CROCC2: variants seen among roughly 807,000 people sequenced by gnomAD.
CROCC2 encodes the protein ciliary rootlet coiled-coil protein 2.
CROCC2 carries 163 observed loss-of-function variants against 177.6 expected under a neutral mutation model. The observed-to-expected ratio is 0.92, with a 90% CI of 0.81 to 1.05. CROCC2 has a LOEUF of 1.05. Among genes scored for constraint, CROCC2 ranks in the 50% least tolerant of loss-of-function variants. The pLI is 0.00. For missense variants in CROCC2, 1,929 were observed against 1,797.8 expected, an observed-to-expected ratio of 1.07 and a Z score of -1.32; for synonymous variants, 904 against 787.3, an observed-to-expected ratio of 1.15 and a Z score of -2.48.
At chr2:240,983,500 G>A (rs1196993567) in intron 28 of CROCC2, 2 of 1,244,586 alleles carry the variant, frequency 1.6e-6, no homozygotes, top group Non-Finnish European at 2.1e-6. Context: ...GCGTCCTGCA[G>A]GAGCAGACGG....
intron 4 of CROCC2, 135 bp downstream of exon 4, chr2:240,922,780 C>T: frequency 4.2e-6 from 2 of 475,842 alleles, no homozygotes; most frequent in East Asian, 6.9e-5. Flanking sequence ...CCTGTGGGAG[C>T]CAACCCAGGC....
rs1052519175 is a variant in CROCC2 at position 240,973,897 on chromosome 2, A to T, written c.4401+5635A>T. Among the ~76,000 whole-genome samples, 1 of 152,216 alleles carries T rather than the reference A, an allele frequency of 6.6e-6. No homozygotes were observed. Among genetic ancestry groups the T allele is most frequent in the Non-Finnish European group, 1.5e-5 (1 of 68,038 alleles). On this transcript the variant is annotated intron_variant, in intron 27 of 31. Transcript: ENST00000690015. The surrounding 1 kb of genome is among the most constrained non-coding windows in gnomAD (Gnocchi z 4.7). ...CAAAATAACTTTTCTTGAGAGGTTC[A>T]TTGAACTCCCCTGTACATATTCCGC...
At chr2:240,932,942 C>A (rs1359701533) in intron 9 of CROCC2, 34 bp downstream of exon 9, 1 of 1,540,930 alleles carries the variant, frequency 6.5e-7, no homozygotes, top group African/African-American at 1.4e-5. Context: ...CTCCCTGTCT[C>A]CCTGAGGGCA....
intron 27 of CROCC2, among the ~76,000 whole-genome samples, chr2:240,971,859 T>G (rs2059723160): frequency 6.6e-6 from 1 of 152,132 alleles, no homozygotes; most frequent in Non-Finnish European, 1.5e-5. Flanking sequence ...CAGGAGAATT[T>G]CAGGTCTTAC....
chr2:240,981,431 C>G (rs1451557554), intron 27 of CROCC2: 1 of 152,294 alleles, frequency 6.6e-6, no homozygotes, highest in Non-Finnish European at 1.5e-5. Flanking sequence ...TCTCACACAG[C>G]ATCAGGATTT....
At chr2:240,932,551 G>A (rs949752306) in intron 8 of CROCC2, 137 bp downstream of exon 8, 7 of 688,328 alleles carry the variant, frequency 1.0e-5, no homozygotes, top group Admixed American at 6.3e-5. Context: ...GCACTTTGAG[G>A]CACGTCAGGA....
rs1276657460 is a variant in CROCC2 at position 240,950,394 on chromosome 2, G to A, written c.2713G>A (p.Glu905Lys). ...GGTAGCCAGATGCCAGCTGGAGCAG[G>A]AGAAGGAGCTGGTGACAAAAAGTGC... ...KEVARCQLEQ[E>K]KELVTKSAAE... The change falls in exon 18 of 32, where the codon GAG becomes AAG. Residue 905 changes from glutamate to lysine, a missense_variant. By Grantham distance (56) the Glu-to-Lys change is moderately conservative (BLOSUM62 1). Around this residue, in one of 3 missense-constraint regions of CROCC2, gnomAD observed 1,397 missense variants for 1,239.9 expected, o/e 1.13. Coordinates refer to ENST00000690015, the MANE Select transcript of CROCC2 (RefSeq NM_001351305.2). 6.5e-7 allele frequency: 1 copy of A among 1,550,234 alleles called. No homozygotes were observed. Among genetic ancestry groups the A allele is most frequent in the South Asian group, 1.2e-5 (1 of 84,056 alleles).
chr2:240,973,325 G>A lies in CROCC2; in HGVS notation c.4401+5063G>A, dbSNP rs548897560. Reference sequence around the variant, plus strand: ...CAGCCCGTGGTGTCAGGACACGCACGGAACGCAGCAGCAGTGCCCAAGTAG... The same window carrying A: ...CAGCCCGTGGTGTCAGGACACGCACAGAACGCAGCAGCAGTGCCCAAGTAG... On this transcript the variant is annotated intron_variant, in intron 27 of 31. Coordinates refer to ENST00000690015, the MANE Select transcript of CROCC2 (RefSeq NM_001351305.2). The surrounding 1 kb of genome is among the most constrained non-coding windows in gnomAD (Gnocchi z 4.7). Among the ~76,000 whole-genome samples the A allele has an allele frequency of 1.1e-3, 165 of 152,254 alleles. No homozygotes were observed. The highest frequency in any genetic ancestry group is 1.7e-3 in the Non-Finnish European group (116 of 68,018).
chr2:240,961,542 A>T (rs889964298), intron 20 of CROCC2, among the ~76,000 whole-genome samples: 67 of 137,200 alleles, frequency 4.9e-4, no homozygotes, highest in South Asian at 3.2e-3. Context: ...GCACTGGCTC[A>T]CACACACACA....
chr2:240,957,005 T>C (rs891709661), intron 19 of CROCC2, among the ~76,000 whole-genome samples: 1 of 152,086 alleles, frequency 6.6e-6, no homozygotes, highest in African/African-American at 2.4e-5. Context: ...GAGGAGAGGC[T>C]GTTTGTGTTG....
chr2:240,943,421 T>G (rs756968834), intron 14 of CROCC2, among the ~76,000 whole-genome samples: 3 of 152,008 alleles, frequency 2.0e-5, no homozygotes, highest in Non-Finnish European at 4.4e-5. Context: ...CTAAGTTATA[T>G]CTCTTCAATC....
intron 15 of CROCC2, among the ~76,000 whole-genome samples, chr2:240,947,866 C>T (rs140655324): frequency 7.0e-4 from 106 of 152,238 alleles, no homozygotes; most frequent in African/African-American, 2.4e-3. Context: ...CAGAGCACCC[C>T]GTGGTGGGCC....
chr2:240,961,227 C>T (rs1054828609), intron 20 of CROCC2, among the ~76,000 whole-genome samples: 5 of 152,194 alleles, frequency 3.3e-5, no homozygotes, highest in African/African-American at 9.7e-5. Flanking sequence ...GAGGTCCACA[C>T]GTGTGCACAC....
In CROCC2 at chr2:240,933,850, C is replaced by G. The variant is rs990817158; in HGVS notation, c.1644C>G (p.Thr548=). 5.8e-6 allele frequency: 9 copies of G among 1,544,016 alleles called. No homozygotes were observed. In the East Asian group the frequency reaches 2.2e-4, roughly 38 times the overall value. ...RRERSCRALE[T]SQGRLQQLEE... is the part of the protein sequence containing the mutation. ...AGCGGAGCTGCAGGGCACTGGAGAC[C>G]AGGTGCGCGGCCGTGGCTGGGTGGG... Residue 548 remains threonine, a splice_region_variant and synonymous_variant, in exon 11 of 32, where the codon ACC becomes ACG. Coordinates refer to ENST00000690015, the MANE Select transcript of CROCC2 (RefSeq NM_001351305.2).
Position 240,920,104 on chromosome 2 carries a change from G to A in CROCC2, c.351G>A (p.Leu117=). The A allele has an allele frequency of 2.8e-6, 2 of 705,486 alleles. No individual in the cohort carries two copies. Among genetic ancestry groups the A allele is most frequent in the Non-Finnish European group, 5.3e-6 (2 of 379,686 alleles). 43.7% of individuals were successfully genotyped at this position (705,486 alleles called of 1,614,324 possible). A position where few individuals can be genotyped will look rare whatever the true frequency, so the allele number is the denominator to read the frequency against. ...LAQASAERDE[L]ASRCRVVSEQ... is the part of the protein sequence containing the mutation. ...AGGCCAGCGCCGAGCGAGATGAGCT[G>A]GCCAGCAGGTGCCGTGTGGTCAGCG... The change falls in exon 3 of 32, where the codon CTG becomes CTA. Residue 117 remains leucine, a synonymous_variant. Coordinates refer to ENST00000690015, the MANE Select transcript of CROCC2 (RefSeq NM_001351305.2).
intron 26 of CROCC2, chr2:240,967,672 G>A (rs2106481409): frequency 2.7e-6 from 2 of 750,038 alleles, no homozygotes; most frequent in East Asian, 1.3e-4. Flanking sequence ...CCCCAGCACA[G>A]AGGAGTGACG....
intron 27 of CROCC2, among the ~76,000 whole-genome samples, chr2:240,974,030 T>C (rs948025557): frequency 9.9e-5 from 15 of 152,216 alleles, no homozygotes; most frequent in Admixed American, 9.2e-4. Context: ...CCTGTGGGAG[T>C]GTAACTTATC....
rs2059658637 is a variant in CROCC2, at chr2:240,963,761, A to G, written c.3293A>G (p.Gln1098Arg). The change falls in exon 21 of 32, where the codon CAG becomes CGG. Residue 1098 changes from glutamine (Q) to arginine (R), a missense_variant. Gln to Arg is a conservative substitution (Grantham distance 43). Around this residue, in one of 3 missense-constraint regions of CROCC2, gnomAD observed 1,397 missense variants for 1,239.9 expected, o/e 1.13. Transcript: ENST00000690015. ...ELRATICRAE[Q>R]EKASFKRSKE... ...CGGGCCACCATCTGCAGGGCCGAAC[A>G]GGAGAAGGCCAGGTATGGCGGCCAC... 5 of 1,549,380 alleles carry G rather than the reference A, an allele frequency of 3.2e-6. No homozygotes were observed. Among genetic ancestry groups the G allele is most frequent in the Non-Finnish European group, 4.4e-6 (5 of 1,146,298 alleles).
chr2:240,932,286 C>T, intron 7 of CROCC2, 32 bp from the exon 8 acceptor site: 2 of 698,184 alleles, frequency 2.9e-6, no homozygotes, highest in Non-Finnish European at 5.4e-6. Context: ...TGGGCCCTGC[C>T]CTTCACCCCC....
Sources: allele counts gnomAD v4.1 joint callset (sites outside exome capture counted in the v4.1 genomes callset), GRCh38; gene constraint gnomAD v4.1.1; regional missense constraint gnomAD v4.1.1; non-coding constraint Gnocchi (gnomAD v3.1); transcripts MANE v1.5; gene names NCBI Gene and HGNC (gene_info 2026-07-23, HGNC 2026-07-21).